Variants in PRPF39 observed in about 807,000 individuals in gnomAD.
The protein encoded by PRPF39 is pre-mRNA processing factor 39.
A neutral mutation model predicts 82.1 loss-of-function variants in PRPF39; 27 were observed. That is an observed-to-expected ratio of 0.33 (90% CI 0.24 to 0.45). PRPF39 has a LOEUF of 0.45. PRPF39 is among the 20% of genes least tolerant of loss of function. The pLI, the probability that PRPF39 is intolerant of heterozygous loss-of-function variation, is 1.00. For synonymous variants in PRPF39, 261 were observed against 256.4 expected (o/e 1.02, Z -0.17); for missense variants, 581 against 796.9 (o/e 0.73, Z 3.26).
At chr14:45,099,442 AT>A (rs559093609) in intron 4 of PRPF39, among the ~76,000 whole-genome samples, 140 of 145,360 alleles carry the variant, frequency 9.6e-4, no homozygotes, top group Non-Finnish European at 1.6e-3. Flanking sequence ...CTTCCATCAG[AT>A]TATTATTATT....
Position 45,110,606 on chromosome 14 carries a change from T to C in PRPF39, c.1361T>C (p.Leu454Ser). Residue 454 changes from leucine to serine, a missense_variant, in exon 10 of 14, where the codon TTG becomes TCG. Coordinates refer to ENST00000355765, the MANE Select transcript of PRPF39 (RefSeq NM_017922.4). This position sits in a 1 kb window ranked among gnomAD's most constrained non-coding sequence, Gnocchi z 4.0. The part of the protein sequence containing the change: ...LKTFEECVLG[L>S]AMVRLRRVSL... ...ACATTTGAAGAATGTGTTCTAGGAT[T>C]GGCAATGGTTCGTTTACGAAGAGTA... 6.4e-7 allele frequency: 1 copy of C among 1,571,300 alleles called. No individual in the cohort carries two copies. Among genetic ancestry groups the C allele is most frequent in the Non-Finnish European group, 8.6e-7 (1 of 1,156,620 alleles).
chr14:45,093,508 G>A (rs1020700525), intron 1 of PRPF39, among the ~76,000 whole-genome samples: 1 of 150,988 alleles, frequency 6.6e-6, no homozygotes, highest in Non-Finnish European at 1.5e-5. Flanking sequence ...ACGGGCATGA[G>A]CCACCGTGCC....
chr14:45,095,158 G>A, intron 1 of PRPF39, 63 bp from the exon 2 acceptor site: 2 of 1,140,082 alleles, frequency 1.8e-6, no homozygotes, highest in Middle Eastern at 2.1e-4. Flanking sequence ...AAAAGGTGTT[G>A]TTGAGGCCAA....
chr14:45,092,600 CAAAAAAAA>C (rs775755309), intron 1 of PRPF39, among the ~76,000 whole-genome samples: 1 of 51,486 alleles, frequency 1.9e-5, no homozygotes, highest in Non-Finnish European at 4.4e-5. Flanking sequence ...GACTCTGTCT[CAAAAAAAA>C]AAAAAAAAAA....
At chr14:45,108,217 G>C (rs564124187) in intron 6 of PRPF39, among the ~76,000 whole-genome samples, 198 bp from the exon 7 acceptor site, 2 of 152,290 alleles carry the variant, frequency 1.3e-5, no homozygotes, top group South Asian at 2.1e-4. Flanking sequence ...GAAAAAATAT[G>C]AAAGTGGTTA....
At chr14:45,111,631 CTTTTTTTTTTTTTTT>C (rs58863567) in intron 10 of PRPF39, among the ~76,000 whole-genome samples, 1 of 58,800 alleles carries the variant, frequency 1.7e-5, no homozygotes, top group South Asian at 5.6e-4. Context: ...TGCACCTGGG[CTTTTTTTTTTTTTTT>C]TTTTTTTTTT....
intron 5 of PRPF39, among the ~76,000 whole-genome samples, chr14:45,106,104 C>G (rs1884524171): frequency 6.6e-6 from 1 of 151,908 alleles, no homozygotes; most frequent in Admixed American, 6.6e-5. Flanking sequence ...AATCCCAGCA[C>G]TTTGGGAGGC....
intron 5 of PRPF39, among the ~76,000 whole-genome samples, chr14:45,104,519 G>T (rs1230961993): frequency 6.6e-6 from 1 of 152,032 alleles, no homozygotes; most frequent in Non-Finnish European, 1.5e-5. Flanking sequence ...TTAAGTTGTA[G>T]GAATGAAGGC....
At chr14:45,091,555 A>C (rs372546668) in intron 1 of PRPF39, among the ~76,000 whole-genome samples, 2 of 152,232 alleles carry the variant, frequency 1.3e-5, no homozygotes, top group South Asian at 2.1e-4. Context: ...AATATGACAA[A>C]CTTATAATAA....
At chr14:45,087,601 C>G (rs1883875921) in intron 1 of PRPF39, among the ~76,000 whole-genome samples, 1 of 150,770 alleles carries the variant, frequency 6.6e-6, no homozygotes, top group Admixed American at 6.6e-5. Flanking sequence ...TGAGATGGAG[C>G]CTTGCTCTGT....
chr14:45,094,575 G>A (rs555599291), intron 1 of PRPF39, among the ~76,000 whole-genome samples: 7 of 152,122 alleles, frequency 4.6e-5, no homozygotes, highest in African/African-American at 1.7e-4. Flanking sequence ...CCCCTTAAAT[G>A]TGTTTTAAGT....
intron 1 of PRPF39, among the ~76,000 whole-genome samples, chr14:45,086,200 C>G (rs1382383785): frequency 6.6e-6 from 1 of 152,150 alleles, no homozygotes; most frequent in African/African-American, 2.4e-5. Context: ...CTCGGCCTCC[C>G]AAAGTGCTGA....
At chr14:45,109,930 T>C in intron 8 of PRPF39, 150 bp downstream of exon 8, 1 of 1,524,640 alleles carries the variant, frequency 6.6e-7, no homozygotes, top group Non-Finnish European at 8.8e-7. Flanking sequence ...GACTGCTGCA[T>C]ATGCCAACCT....
At chr14:45,086,616 A>C (rs543693116) in intron 1 of PRPF39, among the ~76,000 whole-genome samples, 9 of 152,326 alleles carry the variant, frequency 5.9e-5, no homozygotes, top group African/African-American at 2.2e-4. Flanking sequence ...TTGTAAGATT[A>C]ATACTTTTGG....
intron 2 of PRPF39, chr14:45,095,773 T>C: frequency 1.5e-6 from 1 of 665,080 alleles, no homozygotes; most frequent in Non-Finnish European, 2.3e-6. Flanking sequence ...GCTTAATGTT[T>C]TGTAATAATT....
At position 45,114,849 on chromosome 14, in the gene PRPF39, C is replaced by T. The variant is rs1225593303; in HGVS notation, c.1954-8C>T. ...TAATATGCTAACATACTTACTTTTTCCTTTCAGTACAATTATCAGAATCCT... is the reference window on the plus strand; with the variant it reads ...TAATATGCTAACATACTTACTTTTTTCTTTCAGTACAATTATCAGAATCCT... On this transcript the variant is annotated splice_region_variant and splice_polypyrimidine_tract_variant and intron_variant, in intron 13 of 13. Transcript: ENST00000355765. 6.3e-7 allele frequency: 1 copy of T among 1,587,132 alleles called. No homozygotes were observed.
At position 45,096,190 on chromosome 14, in the gene PRPF39, C is replaced by T. The variant is rs1884195361; in HGVS notation, c.412C>T (p.Leu138Phe). The T allele has an allele frequency of 6.3e-7, 1 of 1,591,302 alleles. No homozygotes were observed. The highest frequency in any genetic ancestry group is 8.6e-7 in the Non-Finnish European group (1 of 1,168,084). Reference sequence around the variant, plus strand: ...TGGTTACTGGAAAAAGTATGCAGACCTTGAAAAGCGGCACGACAACATTAA... The same window carrying T: ...TGGTTACTGGAAAAAGTATGCAGACTTTGAAAAGCGGCACGACAACATTAA... ...CYGYWKKYAD[L>F]EKRHDNIKPS... The change falls in exon 3 of 14, where the codon CTT (leucine) becomes TTT (phenylalanine). Residue 138 changes from leucine to phenylalanine, a missense_variant. Physicochemically the swap from Leu to Phe is conservative, Grantham distance 22. Coordinates refer to ENST00000355765, the MANE Select transcript of PRPF39 (RefSeq NM_017922.4).
At chr14:45,096,809 T>G (rs1045190043) in intron 3 of PRPF39, 78 bp from the exon 4 acceptor site, 5 of 1,542,750 alleles carry the variant, frequency 3.2e-6, no homozygotes, top group East Asian at 4.9e-5. Flanking sequence ...TTTCTAAGGT[T>G]CACCGGATAA....
At chr14:45,107,128 C>CT (rs1884559718) in intron 5 of PRPF39, among the ~76,000 whole-genome samples, 2 of 152,032 alleles carry the variant, frequency 1.3e-5, no homozygotes, top group African/African-American at 4.8e-5. Flanking sequence ...ATTGAGGAAA[C>CT]TAAGATTTAG....
Sources: gnomAD v4.1 joint callset for allele counts (sites outside exome capture counted in the v4.1 genomes callset) on GRCh38, gnomAD v4.1.1 for gene constraint, Gnocchi (gnomAD v3.1) non-coding constraint, MANE v1.5 for transcripts, NCBI Gene and HGNC (gene_info 2026-07-23, HGNC 2026-07-21) for gene names.